EYA2: variants seen among roughly 807,000 people sequenced by gnomAD.
EYA2 encodes the protein EYA transcriptional coactivator and phosphatase 2, also known as protein phosphatase EYA2.
EYA2 carries 31 observed loss-of-function variants against 69.2 expected under a neutral mutation model. The ratio of observed to expected loss-of-function variants is 0.45; its 90% CI spans 0.34 to 0.60. The LOEUF is 0.60. Ranked by LOEUF, EYA2 falls within the 20% of genes least tolerant of loss-of-function variation. EYA2 has a pLI of 0.02. For missense variants in EYA2, 622 were observed against 701.2 expected (o/e 0.89, Z 1.28); for synonymous variants, 257 against 279.4 (o/e 0.92, Z 0.80).
chr20:47,044,735 A>G (rs1210913079), intron 5 of EYA2, among the ~76,000 whole-genome samples: 1 of 152,200 alleles, frequency 6.6e-6, no homozygotes. Context: ...CCTATCTATA[A>G]TTACTGATAT....
At chr20:47,025,197 T>G (rs1445596631) in intron 5 of EYA2, among the ~76,000 whole-genome samples, 2 of 152,254 alleles carry the variant, frequency 1.3e-5, no homozygotes, top group African/African-American at 4.8e-5. Context: ...TACATTTTTA[T>G]TTTTTCACCA....
intron 10 of EYA2, among the ~76,000 whole-genome samples, chr20:47,166,139 C>T (rs1374178486): frequency 6.6e-6 from 1 of 151,988 alleles, no homozygotes; most frequent in African/African-American, 2.4e-5. Context: ...GTGGCTCATG[C>T]CTGCAATCTT....
chr20:47,142,192 A>G (rs1457978158), intron 9 of EYA2, among the ~76,000 whole-genome samples: 3 of 152,224 alleles, frequency 2.0e-5, no homozygotes. Flanking sequence ...CATTAGTCAT[A>G]CAAAAACAAG....
chr20:46,941,363 T>C (rs1175026092), intron 1 of EYA2, among the ~76,000 whole-genome samples: 2 of 152,232 alleles, frequency 1.3e-5, no homozygotes, highest in African/African-American at 2.4e-5. Context: ...ACGAAACTCC[T>C]AAGTCGATTC....
rs1202143700 is a variant in EYA2, at chr20:47,057,494, G to A, written c.416-14691G>A. On this transcript the variant is annotated intron_variant, in intron 5 of 15. Coordinates refer to ENST00000327619, the MANE Select transcript of EYA2 (RefSeq NM_005244.5). ...TTTTCCATTCTATACATTATCTGCT[G>A]ACTACTTTTTATATCACCCCCCCCC... Among the ~76,000 whole-genome samples the A allele has an allele frequency of 2.0e-5, 3 of 146,428 alleles. 1 individual carries two copies. Among genetic ancestry groups the A allele is most frequent in the Non-Finnish European group, 4.4e-5 (3 of 67,426 alleles).
Position 47,127,839 on chromosome 20 carries a change from A to G in EYA2, c.889-15220A>G, listed in dbSNP as rs146022168. Among the ~76,000 whole-genome samples the G allele has an allele frequency of 1.9e-3, 284 of 152,338 alleles. 1 individual carries two copies. The highest frequency in any genetic ancestry group is 3.4e-3 in the Middle Eastern group (1 of 294). On this transcript the variant is annotated intron_variant, in intron 9 of 15. Transcript: ENST00000327619. ...CCGTAGGCTTCGTGTTTCTATCTGG[A>G]AGGACTGACCGTGGCATCCCACCTG... is the stretch of plus-strand genomic sequence containing the variant.
At chr20:47,083,319 G>A (rs544553662) in intron 7 of EYA2, among the ~76,000 whole-genome samples, 1 of 152,332 alleles carries the variant, frequency 6.6e-6, no homozygotes, top group Non-Finnish European at 1.5e-5. Context: ...GCTCACGCCT[G>A]TAATCCCAGC....
intron 1 of EYA2, among the ~76,000 whole-genome samples, chr20:46,933,887 G>A (rs1261017773): frequency 6.6e-6 from 1 of 152,222 alleles, no homozygotes; most frequent in Non-Finnish European, 1.5e-5. Context: ...CTGGCACATT[G>A]TATATGCTCA....
intron 1 of EYA2, among the ~76,000 whole-genome samples, chr20:46,907,196 G>A (rs1198067062): frequency 6.6e-6 from 1 of 152,194 alleles, no homozygotes; most frequent in Non-Finnish European, 1.5e-5. Context: ...TCTTCCTACA[G>A]GGCACAAATG....
chr20:47,169,769 G>A (rs1227293690), intron 11 of EYA2, among the ~76,000 whole-genome samples: 3 of 152,084 alleles, frequency 2.0e-5, no homozygotes, highest in Non-Finnish European at 4.4e-5. Context: ...TCAAGGGTCC[G>A]GAGATGTTAT....
intron 7 of EYA2, among the ~76,000 whole-genome samples, chr20:47,084,245 C>CA (rs890714426): frequency 8.7e-5 from 12 of 137,646 alleles, no homozygotes; most frequent in East Asian, 4.3e-4. Flanking sequence ...GACTTTGTCT[C>CA]AAAAAAAAAG....
At chr20:47,094,921 A>G (rs1348805436) in intron 8 of EYA2, among the ~76,000 whole-genome samples, 3 of 151,992 alleles carry the variant, frequency 2.0e-5, no homozygotes, top group Non-Finnish European at 4.4e-5. Context: ...TAGTCCCACT[A>G]CTCAGGAGGC....
chr20:47,156,908 A>C (rs747664251), intron 10 of EYA2, among the ~76,000 whole-genome samples: 1 of 151,974 alleles, frequency 6.6e-6, no homozygotes, highest in African/African-American at 2.4e-5. Context: ...CAATTTCTGC[A>C]TTCATGTCTC....
intron 1 of EYA2, among the ~76,000 whole-genome samples, chr20:46,916,902 T>G (rs1984932339): frequency 6.6e-6 from 1 of 152,208 alleles, no homozygotes; most frequent in African/African-American, 2.4e-5. Context: ...ATGTGTTCAT[T>G]TTGGTTCTGT....
chr20:47,157,353 CAAAAAAAAAAAAAAA>C (rs57425490), intron 10 of EYA2, among the ~76,000 whole-genome samples: 9 of 60,772 alleles, frequency 1.5e-4, no homozygotes, highest in Admixed American at 2.5e-4. Flanking sequence ...GACTCCGTCT[CAAAAAAAAAAAAAAA>C]AAAAAAAAAA....
chr20:46,944,217 C>G (rs1206745), intron 1 of EYA2, among the ~76,000 whole-genome samples: 56,474 of 152,046 alleles, frequency 0.37, 11,360 homozygotes, highest in Non-Finnish European at 0.46. Flanking sequence ...CAAGCAGGTC[C>G]TGTTTTGGCC....
At chr20:47,162,353 A>G (rs1212537905) in intron 10 of EYA2, among the ~76,000 whole-genome samples, 1 of 152,076 alleles carries the variant, frequency 6.6e-6, no homozygotes, top group Non-Finnish European at 1.5e-5. Flanking sequence ...ACATATATAG[A>G]AAGTGCTGGC....
chr20:46,924,263 G>A (rs1242345001), intron 1 of EYA2, among the ~76,000 whole-genome samples: 4 of 152,164 alleles, frequency 2.6e-5, no homozygotes, highest in Non-Finnish European at 4.4e-5. Context: ...GGCTGGGAAG[G>A]ACTAAAGTTT....
chr20:47,101,548 C>T (rs2032423145), intron 9 of EYA2, among the ~76,000 whole-genome samples: 1 of 152,156 alleles, frequency 6.6e-6, no homozygotes, highest in Non-Finnish European at 1.5e-5. Context: ...TTTAGATATT[C>T]TATTACTCTG....
Sources: allele counts gnomAD v4.1 joint callset (sites outside exome capture counted in the v4.1 genomes callset), GRCh38; gene constraint gnomAD v4.1.1; transcripts MANE v1.5; gene names NCBI Gene and HGNC (gene_info 2026-07-23, HGNC 2026-07-21).